RANBP3L: variants seen among roughly 807,000 people sequenced by gnomAD.
The protein encoded by RANBP3L is ran-binding protein 3-like.
In RANBP3L, 56 loss-of-function variants were observed where a neutral mutation model predicts 67.2. The observed-to-expected ratio is 0.83, with a 90% CI of 0.67 to 1.04. RANBP3L has a LOEUF of 1.04. RANBP3L is among the 50% of genes least tolerant of loss of function. The probability of loss-of-function intolerance (pLI) is 0.00; values close to 1 mark genes in which losing one functional copy is unlikely to be tolerated. For missense variants in RANBP3L, 496 were observed against 535.5 expected (o/e 0.93, Z 0.73); for synonymous variants, 164 against 181.4 (o/e 0.90, Z 0.77).
intron 1 of RANBP3L, among the ~76,000 whole-genome samples, chr5:36,290,545 A>AG (rs1225707273): frequency 1.3e-5 from 2 of 151,924 alleles, no homozygotes; most frequent in Non-Finnish European, 2.9e-5. Flanking sequence ...TAATCTAGGT[A>AG]GGGGTTTATT....
intron 1 of RANBP3L, among the ~76,000 whole-genome samples, chr5:36,301,075 G>A (rs1213395587): frequency 6.6e-6 from 1 of 152,114 alleles, no homozygotes; most frequent in Non-Finnish European, 1.5e-5. Context: ...ACAAAATCTA[G>A]CATACTCTAA....
intron 1 of RANBP3L, among the ~76,000 whole-genome samples, chr5:36,299,363 G>A (rs2363037): frequency 0.53 from 76,267 of 144,174 alleles, 23,133 homozygotes; most frequent in Middle Eastern, 0.74. Context: ...GTGTGTGTGT[G>A]TGTATATATC....
intron 9 of RANBP3L, 46 bp downstream of exon 9, chr5:36,257,408 G>T (rs1441764477): frequency 1.2e-6 from 1 of 815,468 alleles, no homozygotes; most frequent in Non-Finnish European, 2.0e-6. Context: ...AAAAACAGGA[G>T]ACAAACTAGG....
chr5:36,247,845 GC>G lies in RANBP3L; in HGVS notation c.*1808del, dbSNP rs1199107005. On this transcript the variant is annotated 3_prime_UTR_variant, in exon 14 of 14. Coordinates refer to ENST00000296604, the MANE Select transcript of RANBP3L (RefSeq NM_145000.5). Reference sequence around the variant, plus strand: ...GGAGGTTGAAGTGAGCCGAAATCGTGCCACTGCACTCCAACCTGGGTGACAG... The same window carrying G: ...GGAGGTTGAAGTGAGCCGAAATCGTGCACTGCACTCCAACCTGGGTGACAG... 3.3e-5 allele frequency among the ~76,000 whole-genome samples: 5 copies of G among 152,160 alleles called. No homozygotes were observed. Among genetic ancestry groups the G allele is most frequent in the African/African-American group, 1.2e-4 (5 of 41,442 alleles).
At chr5:36,265,646 G>A (rs1219353991) in intron 4 of RANBP3L, 126 bp from the exon 5 acceptor site, 2 of 531,808 alleles carry the variant, frequency 3.8e-6, no homozygotes, top group Admixed American at 3.6e-5. Flanking sequence ...CAGAGTAGTA[G>A]GTAGTGCCCT....
At chr5:36,255,213 T>G (rs997796456) in intron 11 of RANBP3L, among the ~76,000 whole-genome samples, 1 of 152,080 alleles carries the variant, frequency 6.6e-6, no homozygotes, top group African/African-American at 2.4e-5. Flanking sequence ...TAAATTGATA[T>G]AAGTAGAGTA....
At chr5:36,262,758 A>G (rs1749488768) in intron 6 of RANBP3L, among the ~76,000 whole-genome samples, 1 of 152,150 alleles carries the variant, frequency 6.6e-6, no homozygotes, top group Non-Finnish European at 1.5e-5. Flanking sequence ...AATTTTGAGT[A>G]CTTTTTCTTT....
intron 1 of RANBP3L, among the ~76,000 whole-genome samples, chr5:36,288,905 T>C (rs1241200815): frequency 6.6e-6 from 1 of 152,102 alleles, no homozygotes; most frequent in Non-Finnish European, 1.5e-5. Flanking sequence ...AGTCTTTTCT[T>C]GGTGGTATCT....
Position 36,251,283 on chromosome 5 carries a change from C to A in RANBP3L, c.1354+30G>T, listed in dbSNP as rs1420544918. 10 of 1,581,136 alleles carry A rather than the reference C, an allele frequency of 6.3e-6. No individual in the cohort carries two copies. In the South Asian group the frequency reaches 1.1e-4, roughly 18 times the overall value. On this transcript the variant is annotated intron_variant, in intron 13 of 13. Transcript: ENST00000296604. ...CGTGCTTAAGAATTCTTTTTTAAAC[C>A]TCTGAACTAACAAAACAAAAGCTAT...
chr5:36,260,676 TA>T (rs1749316212), intron 8 of RANBP3L, 103 bp downstream of exon 8: 1 of 600,372 alleles, frequency 1.7e-6, no homozygotes, highest in Non-Finnish European at 3.0e-6. Flanking sequence ...ACTCAGGAGT[TA>T]AAAAGTATAA....
At position 36,247,556 on chromosome 5, in the gene RANBP3L, A is replaced by G. The variant is rs1467035539; in HGVS notation, c.*2098T>C. Reference sequence around the variant, plus strand: ...TTGAGAAGATAATTGCTTTATCTCTACCTTAGTGTGGGGACGAGGATGAAC... The same window carrying G: ...TTGAGAAGATAATTGCTTTATCTCTGCCTTAGTGTGGGGACGAGGATGAAC... On this transcript the variant is annotated 3_prime_UTR_variant, in exon 14 of 14. Coordinates refer to ENST00000296604, the MANE Select transcript of RANBP3L (RefSeq NM_145000.5). 6.6e-6 allele frequency among the ~76,000 whole-genome samples: 1 copy of G among 152,210 alleles called. No individual in the cohort carries two copies. Among genetic ancestry groups the G allele is most frequent in the Non-Finnish European group, 1.5e-5 (1 of 68,042 alleles).
chr5:36,294,742 A>T (rs1464515736), intron 1 of RANBP3L, among the ~76,000 whole-genome samples: 1 of 150,160 alleles, frequency 6.7e-6, no homozygotes, highest in African/African-American at 2.4e-5. Context: ...GGTTTTATAT[A>T]TATATATATG....
At chr5:36,271,041 T>TATC (rs1750172497) in intron 2 of RANBP3L, among the ~76,000 whole-genome samples, 2 of 152,192 alleles carry the variant, frequency 1.3e-5, no homozygotes, top group African/African-American at 4.8e-5. Context: ...AACAGTATGT[T>TATC]ATCCATAGCT....
intron 1 of RANBP3L, among the ~76,000 whole-genome samples, chr5:36,284,245 A>G (rs1396511679): frequency 1.3e-5 from 2 of 152,146 alleles, no homozygotes; most frequent in African/African-American, 4.8e-5. Context: ...AAAAGTCTAG[A>G]TCTTATTCCT....
At chr5:36,257,704 T>C in intron 8 of RANBP3L, 148 bp from the exon 9 acceptor site, 1 of 445,868 alleles carries the variant, frequency 2.2e-6, no homozygotes. Flanking sequence ...TTCTGTGTGC[T>C]GAACAGAGAA....
Position 36,289,650 on chromosome 5 carries a change from G to T in RANBP3L, c.91+11676C>A, listed in dbSNP as rs1751568980. ...GTATTTCCTTTTTATGCTATTAAATGAGTACTCTAATATTTTTAATTTCCA... is the reference window on the plus strand; with the variant it reads ...GTATTTCCTTTTTATGCTATTAAATTAGTACTCTAATATTTTTAATTTCCA... On this transcript the variant is annotated intron_variant, in intron 1 of 13. Coordinates refer to ENST00000296604, the MANE Select transcript of RANBP3L (RefSeq NM_145000.5). 2.6e-5 allele frequency among the ~76,000 whole-genome samples: 4 copies of T among 152,120 alleles called. No individual in the cohort carries two copies. In the South Asian group the frequency reaches 8.3e-4, roughly 32 times the overall value.
intron 1 of RANBP3L, among the ~76,000 whole-genome samples, chr5:36,288,237 C>A (rs1488949845): frequency 2.6e-5 from 4 of 152,168 alleles, no homozygotes. Context: ...AATATGTACT[C>A]TTTTGTGTCT....
chr5:36,251,585 G>T, intron 12 of RANBP3L, 86 bp from the exon 13 acceptor site: 1 of 1,059,908 alleles, frequency 9.4e-7, no homozygotes, highest in East Asian at 2.6e-5. Context: ...TACTAATAAG[G>T]AAGGAATTAC....
intron 1 of RANBP3L, among the ~76,000 whole-genome samples, chr5:36,299,366 T>TAG: frequency 8.4e-6 from 1 of 118,836 alleles, no homozygotes; most frequent in Non-Finnish European, 1.6e-5. Flanking sequence ...TGTGTGTGTG[T>TAG]ATATATCCTA....
Sources: gnomAD v4.1 joint callset for allele counts (sites outside exome capture counted in the v4.1 genomes callset) on GRCh38, gnomAD v4.1.1 for gene constraint, MANE v1.5 for transcripts, NCBI Gene and HGNC (gene_info 2026-07-23, HGNC 2026-07-21) for gene names.